The following ZMAT4 variants were observed in gnomAD, a reference collection of about 807,000 sequenced individuals.
ZMAT4 encodes the protein zinc finger matrin-type 4.
In ZMAT4, 17 loss-of-function variants were observed where a neutral mutation model predicts 28.7. The observed-to-expected ratio is 0.59, with a 90% CI of 0.41 to 0.89. ZMAT4 has a LOEUF of 0.89. ZMAT4 is among the 40% of genes least tolerant of loss of function. ZMAT4 has a pLI of 0.00. For missense variants in ZMAT4, 240 were observed against 283.8 expected (o/e 0.85, Z 1.11); for synonymous variants, 117 against 109.2 (o/e 1.07, Z -0.44).
rs141753778 is a variant in ZMAT4, at chr8:40,672,420, A to G, written c.577+2284T>C. Reference sequence around the variant, plus strand: ...TGCTTGAATAAATATCTATCAGGATATCACCTGGAGCGTGTGGAAAGTTTG... The same window carrying G: ...TGCTTGAATAAATATCTATCAGGATGTCACCTGGAGCGTGTGGAAAGTTTG... On this transcript the variant is annotated intron_variant, in intron 5 of 6. Coordinates refer to ENST00000297737, the MANE Select transcript of ZMAT4 (RefSeq NM_024645.3). 5.1e-4 allele frequency among the ~76,000 whole-genome samples: 78 copies of G among 152,302 alleles called. 1 individual carries two copies. The highest frequency in any genetic ancestry group is 1.7e-3 in the African/African-American group (72 of 41,572).
intron 1 of ZMAT4, among the ~76,000 whole-genome samples, chr8:40,846,386 G>A (rs970228279): frequency 2.6e-5 from 4 of 152,206 alleles, no homozygotes; most frequent in Admixed American, 6.5e-5. Flanking sequence ...GCAGAGCTCA[G>A]GGCTGGGACA....
chr8:40,544,668 C>T lies in ZMAT4; in HGVS notation c.675-12430G>A, dbSNP rs1057447192. Among the ~76,000 whole-genome samples the T allele has an allele frequency of 1.5e-4, 23 of 152,046 alleles. 1 individual carries two copies. ...AATATTTTTTAGTTAATGTCACCAG[C>T]AGAAACACTGTCGTTTTGTACCAAA... On this transcript the variant is annotated intron_variant, in intron 6 of 6. Coordinates refer to ENST00000297737, the MANE Select transcript of ZMAT4 (RefSeq NM_024645.3).
chr8:40,763,638 A>G (rs1270004960), intron 3 of ZMAT4, among the ~76,000 whole-genome samples: 1 of 152,206 alleles, frequency 6.6e-6, no homozygotes, highest in East Asian at 1.9e-4. Flanking sequence ...GGGAAGCAGG[A>G]TTTTAATCTC....
At chr8:40,890,317 T>A (rs896049232) in intron 1 of ZMAT4, among the ~76,000 whole-genome samples, 1 of 151,980 alleles carries the variant, frequency 6.6e-6, no homozygotes, top group Non-Finnish European at 1.5e-5. Context: ...TTAAACCCAT[T>A]TCCTCCCATC....
intron 6 of ZMAT4, 113 bp from the exon 7 acceptor site, chr8:40,532,351 T>C (rs1802717201): frequency 3.9e-6 from 3 of 768,600 alleles, no homozygotes; most frequent in Non-Finnish European, 3.9e-6. Flanking sequence ...ACCTTAACCA[T>C]CAAATTCAAA....
chr8:40,547,912 A>G (rs923389955), intron 6 of ZMAT4, among the ~76,000 whole-genome samples: 2 of 152,222 alleles, frequency 1.3e-5, no homozygotes, highest in African/African-American at 4.8e-5. Flanking sequence ...GAGAAGTGTT[A>G]TGAAGGATGC....
chr8:40,769,132 T>C (rs953915916), intron 2 of ZMAT4, among the ~76,000 whole-genome samples: 4 of 152,180 alleles, frequency 2.6e-5, no homozygotes, highest in Non-Finnish European at 5.9e-5. Context: ...AAAGTGCCAA[T>C]GAAACATGAA....
chr8:40,606,246 CTTTATTGT>C (rs1278095273), intron 5 of ZMAT4, among the ~76,000 whole-genome samples: 2 of 151,702 alleles, frequency 1.3e-5, no homozygotes, highest in African/African-American at 2.4e-5. Context: ...TTGTTTTTTC[CTTTATTGT>C]TTTATTGTTT....
At chr8:40,607,279 C>T (rs1805629617) in intron 5 of ZMAT4, among the ~76,000 whole-genome samples, 1 of 151,768 alleles carries the variant, frequency 6.6e-6, no homozygotes, top group South Asian at 2.1e-4. Context: ...TGCCCGCCAC[C>T]ACCCCTGGCT....
rs564226723 is a variant in ZMAT4 at position 40,879,610 on chromosome 8, T to C, written c.-5+18073A>G. ...AAAAGGGGAACGACTCAGAGGCAAC[T>C]GGGTCTCATTTTCTTTCTGTAATTT... On this transcript the variant is annotated intron_variant, in intron 1 of 6. Transcript: ENST00000297737. Among the ~76,000 whole-genome samples the C allele has an allele frequency of 1.8e-3, 267 of 152,286 alleles. 1 individual carries two copies. The highest frequency in any genetic ancestry group is 5.9e-3 in the African/African-American group (245 of 41,568).
chr8:40,673,472 C>A (rs897506399), intron 5 of ZMAT4, among the ~76,000 whole-genome samples: 1 of 152,110 alleles, frequency 6.6e-6, no homozygotes. Context: ...AATTGATTTG[C>A]AAATGTTGTT....
chr8:40,861,426 A>G (rs1817487146), intron 1 of ZMAT4, among the ~76,000 whole-genome samples: 1 of 152,248 alleles, frequency 6.6e-6, no homozygotes, highest in Non-Finnish European at 1.5e-5. Context: ...AATTAATTCA[A>G]GATGGATTAA....
At chr8:40,862,550 C>T (rs1312464021) in intron 1 of ZMAT4, among the ~76,000 whole-genome samples, 2 of 134,834 alleles carry the variant, frequency 1.5e-5, no homozygotes, top group African/African-American at 2.8e-5. Flanking sequence ...TGCACATGTA[C>T]CCTAAAACTT....
chr8:40,584,383 G>T (rs935392235), intron 5 of ZMAT4, among the ~76,000 whole-genome samples: 1 of 152,096 alleles, frequency 6.6e-6, no homozygotes, highest in Non-Finnish European at 1.5e-5. Flanking sequence ...AGTGGACAGC[G>T]CCAAGCAGGA....
At chr8:40,760,906 C>T (rs1300545720) in intron 3 of ZMAT4, among the ~76,000 whole-genome samples, 4 of 152,098 alleles carry the variant, frequency 2.6e-5, no homozygotes, top group East Asian at 1.9e-4. Flanking sequence ...ATCCTGAACC[C>T]GATACTGCAT....
chr8:40,721,888 A>G (rs1168578118), intron 3 of ZMAT4, among the ~76,000 whole-genome samples: 1 of 152,030 alleles, frequency 6.6e-6, no homozygotes, highest in African/African-American at 2.4e-5. Context: ...CAACTATCTG[A>G]TCTTTGACAA....
intron 5 of ZMAT4, among the ~76,000 whole-genome samples, chr8:40,605,749 C>T (rs190404184): frequency 3.3e-5 from 5 of 152,224 alleles, no homozygotes; most frequent in East Asian, 3.9e-4. Flanking sequence ...CTGTCAAGTG[C>T]TGTCAGTGGA....
chr8:40,627,135 T>A (rs984538093), intron 5 of ZMAT4, among the ~76,000 whole-genome samples: 1 of 152,180 alleles, frequency 6.6e-6, no homozygotes, highest in African/African-American at 2.4e-5. Flanking sequence ...CAATATTCAG[T>A]CAACTAGTAG....
chr8:40,606,445 T>C (rs887148758), intron 5 of ZMAT4, among the ~76,000 whole-genome samples: 4 of 152,222 alleles, frequency 2.6e-5, no homozygotes, highest in Non-Finnish European at 5.9e-5. Flanking sequence ...GAAGCTTAGT[T>C]TCACTGGATA....
Sources: allele counts gnomAD v4.1 joint callset (sites outside exome capture counted in the v4.1 genomes callset), GRCh38; gene constraint gnomAD v4.1.1; transcripts MANE v1.5; gene names NCBI Gene and HGNC (gene_info 2026-07-23, HGNC 2026-07-21).